CALN1: variants seen among roughly 807,000 people sequenced by gnomAD.
CALN1 encodes the protein calneuron 1, also known as calcium-binding protein 8.
Under a neutral mutation model 30.6 loss-of-function variants are expected in CALN1, and 17 were observed. The ratio of observed to expected loss-of-function variants is 0.56; its 90% CI spans 0.38 to 0.83. The LOEUF (loss-of-function observed/expected upper bound fraction) is 0.83. CALN1 is among the 40% of genes least tolerant of loss of function. The pLI is 0.00. For synonymous variants in CALN1, 156 were observed against 131.4 expected (o/e 1.19, Z -1.28); for missense variants, 291 against 354.9 (o/e 0.82, Z 1.45).
chr7:72,024,745 G>C (rs1393098504), intron 4 of CALN1, among the ~76,000 whole-genome samples: 1 of 151,524 alleles, frequency 6.6e-6, no homozygotes, highest in East Asian at 1.9e-4. Flanking sequence ...TCAGCATAGT[G>C]TTCAAGCCTC....
intron 5 of CALN1, among the ~76,000 whole-genome samples, chr7:71,970,573 G>A (rs142638195): frequency 7.7e-4 from 116 of 150,920 alleles, no homozygotes; most frequent in Admixed American, 2.5e-3. Context: ...ACTTGTATCT[G>A]CAAAATATAC....
intron 2 of CALN1, among the ~76,000 whole-genome samples, chr7:72,362,884 T>C (rs1032092222): frequency 2.0e-5 from 3 of 152,212 alleles, no homozygotes; most frequent in Non-Finnish European, 4.4e-5. Flanking sequence ...TTCCGGTAAA[T>C]GAAGCAGACT....
In CALN1 at chr7:71,925,679, G is replaced by A. The variant is rs554895101; in HGVS notation, c.501+97978C>T. Among the ~76,000 whole-genome samples, 4 of 151,990 alleles carry A rather than the reference G, an allele frequency of 2.6e-5. No individual in the cohort carries two copies. In the South Asian group the frequency reaches 8.3e-4, roughly 32 times the overall value. ...TATCCATTTATTGCCTCTCAGCTCT[G>A]AATGCATCTTCCAATACAGGCAATA... On this transcript the variant is annotated intron_variant, in intron 5 of 6. Transcript: ENST00000395275.
chr7:72,501,924 A>ATATATATATATAT, the CALN1 span, among the ~76,000 whole-genome samples: 1 of 84,266 alleles, frequency 1.2e-5, no homozygotes, highest in African/African-American at 6.8e-5. Flanking sequence ...AAAAAAAAAA[A>ATATATATATATAT]AAAAATATAT....
chr7:72,206,716 G>T (rs1178662229), intron 3 of CALN1, among the ~76,000 whole-genome samples: 1 of 151,894 alleles, frequency 6.6e-6, no homozygotes. Flanking sequence ...TTTTAACTAT[G>T]CCCTTTCTTT....
At chr7:72,016,451 T>A (rs1383980306) in intron 5 of CALN1, among the ~76,000 whole-genome samples, 4 of 151,794 alleles carry the variant, frequency 2.6e-5, no homozygotes, top group African/African-American at 9.7e-5. Context: ...TATTATTATT[T>A]TTTGAGACAG....
chr7:72,266,608 G>A (rs1269656200), intron 3 of CALN1, among the ~76,000 whole-genome samples: 1 of 152,104 alleles, frequency 6.6e-6, no homozygotes, highest in Non-Finnish European at 1.5e-5. Context: ...TTGCAGTTGT[G>A]TTTTTTCTTT....
intron 5 of CALN1, among the ~76,000 whole-genome samples, chr7:71,882,750 C>G (rs1792651857): frequency 6.6e-6 from 1 of 151,668 alleles, no homozygotes; most frequent in South Asian, 2.1e-4. Context: ...ATGGCACAAT[C>G]ATAGCTCACT....
In CALN1 at chr7:72,146,968, G is replaced by C. The variant is rs993580803; in HGVS notation, c.245-40674C>G. Among the ~76,000 whole-genome samples the C allele has an allele frequency of 1.9e-3, 290 of 152,122 alleles. 1 individual carries two copies. Among genetic ancestry groups the C allele is most frequent in the African/African-American group, 6.4e-3 (266 of 41,520 alleles). On this transcript the variant is annotated intron_variant, in intron 3 of 6. Transcript: ENST00000395275. ...CTTACACCTTATACAAAAATTAATT[G>C]AAGATGGATTAAAGACTTACATGTT...
upstream of CALN1, among the ~76,000 whole-genome samples, chr7:72,414,667 G>A (rs1807367162): frequency 6.6e-6 from 1 of 152,236 alleles, no homozygotes; most frequent in Non-Finnish European, 1.5e-5. Flanking sequence ...CAGGACGACT[G>A]AGAAGCAGTA....
chr7:72,122,633 G>A (rs748010637), intron 3 of CALN1, among the ~76,000 whole-genome samples: 2 of 152,092 alleles, frequency 1.3e-5, no homozygotes, highest in Non-Finnish European at 2.9e-5. Context: ...GACTGAGGTG[G>A]GGGGATCACT....
chr7:72,451,469 G>A (rs546111632), upstream of CALN1, among the ~76,000 whole-genome samples: 2 of 152,154 alleles, frequency 1.3e-5, no homozygotes, highest in African/African-American at 2.4e-5. Flanking sequence ...AGCTGCAGCT[G>A]GTAACCTGCC....
chr7:72,439,581 T>TG (rs1808283874), intron 1 of CALN1, among the ~76,000 whole-genome samples: 16 of 108,496 alleles, frequency 1.5e-4, no homozygotes, highest in Admixed American at 8.4e-5. Flanking sequence ...TGTCGTTTAT[T>TG]CTTTTTTTTT....
At chr7:72,454,835 CTT>C in the CALN1 span, among the ~76,000 whole-genome samples, 9 of 143,746 alleles carry the variant, frequency 6.3e-5, no homozygotes, top group Admixed American at 7.0e-5. Context: ...TCTCTGGTCT[CTT>C]TTTTTTTTTT....
chr7:72,365,372 C>G (rs1294935233), intron 2 of CALN1, among the ~76,000 whole-genome samples: 1 of 152,060 alleles, frequency 6.6e-6, no homozygotes, highest in Non-Finnish European at 1.5e-5. Context: ...TCAGTATGTA[C>G]AGAACTTATA....
At chr7:72,278,472 T>TACACACACACATACACACACAC (rs1797502419) in intron 3 of CALN1, among the ~76,000 whole-genome samples, 24 of 144,082 alleles carry the variant, frequency 1.7e-4, no homozygotes, top group African/African-American at 5.4e-4. Context: ...ATCAGGTCTG[T>TACACACACACATACACACACAC]ACACACACAC....
At chr7:71,885,484 T>C (rs1792848256) in intron 5 of CALN1, among the ~76,000 whole-genome samples, 1 of 152,220 alleles carries the variant, frequency 6.6e-6, no homozygotes, top group Non-Finnish European at 1.5e-5. Flanking sequence ...ATTTGATTGA[T>C]GTCTCCTGCC....
intron 1 of CALN1, among the ~76,000 whole-genome samples, chr7:72,408,778 G>A (rs931287339): frequency 6.0e-5 from 9 of 149,408 alleles, no homozygotes; most frequent in Non-Finnish European, 1.0e-4. Context: ...CCGGGCTCAA[G>A]TGATCCTGCC....
rs1407164179 is a variant in CALN1 at position 72,333,671 on chromosome 7, G to C, written c.120-54861C>G. 2.1e-5 allele frequency among the ~76,000 whole-genome samples: 3 copies of C among 145,926 alleles called. No homozygotes were observed. In the Admixed American group the frequency reaches 2.1e-4, roughly 10 times the overall value. The stretch of plus-strand genomic sequence containing the variant: ...CCCAAGTGAACCTATACCAACATGG[G>C]TACAGAAAGGGAATATGCAGAAAAA... On this transcript the variant is annotated intron_variant, in intron 2 of 6. Transcript: ENST00000395275.
Sources: gnomAD v4.1 joint callset for allele counts (sites outside exome capture counted in the v4.1 genomes callset) on GRCh38, gnomAD v4.1.1 for gene constraint, MANE v1.5 for transcripts, NCBI Gene and HGNC (gene_info 2026-07-23, HGNC 2026-07-21) for gene names.